Variants in HERC3 observed in about 807,000 individuals in gnomAD.
HERC3 encodes the protein probable E3 ubiquitin-protein ligase HERC3.
A neutral mutation model predicts 129.9 loss-of-function variants in HERC3; 58 were observed. The ratio of observed to expected loss-of-function variants is 0.45; its 90% CI spans 0.36 to 0.56. The LOEUF is 0.56. Among genes scored for constraint, HERC3 ranks in the 20% least tolerant of loss-of-function variants. HERC3 has a pLI of 0.00. For missense variants in HERC3, 835 were observed against 1,244.2 expected, an observed-to-expected ratio of 0.67 and a Z score of 4.95; for synonymous variants, 430 against 451.0, an observed-to-expected ratio of 0.95 and a Z score of 0.59.
Position 88,686,723 on chromosome 4 carries a change from A to T in HERC3, c.2508-13A>T, listed in dbSNP as rs772250369. The T allele has an allele frequency of 6.3e-7, 1 of 1,590,712 alleles. No homozygotes were observed. Among genetic ancestry groups the T allele is most frequent in the Admixed American group, 1.7e-5 (1 of 59,920 alleles). On this transcript the variant is annotated splice_polypyrimidine_tract_variant and intron_variant, in intron 21 of 25. Transcript: ENST00000402738. ...GACTTGCCACTTTTCCTTTTCTGTC[A>T]TTCTATGATTAGGAGTCTCCAAGAG...
upstream of HERC3, among the ~76,000 whole-genome samples, chr4:88,591,829 T>A (rs1721726092): frequency 6.6e-6 from 1 of 152,166 alleles, no homozygotes; most frequent in Admixed American, 6.5e-5. Flanking sequence ...GTGCTCAGAC[T>A]CTTCTTGCTA....
At chr4:88,663,668 A>G (rs2924360) in intron 11 of HERC3, among the ~76,000 whole-genome samples, 41 of 152,316 alleles carry the variant, frequency 2.7e-4, no homozygotes, top group African/African-American at 9.6e-4. Context: ...CAGAGCCTGT[A>G]TAATAGAAGG....
chr4:88,607,049 G>A (rs1200802520), intron 3 of HERC3, among the ~76,000 whole-genome samples: 2 of 152,176 alleles, frequency 1.3e-5, no homozygotes, highest in Non-Finnish European at 2.9e-5. Flanking sequence ...TGGTGATGAT[G>A]TGGCTGCAGT....
At chr4:88,589,060 A>G (rs1210261287), upstream of HERC3, among the ~76,000 whole-genome samples, 1 of 150,786 alleles carries the variant, frequency 6.6e-6, no homozygotes, top group African/African-American at 2.4e-5. Flanking sequence ...TTATGGTTAT[A>G]TGTGTGTGTG....
intron 3 of HERC3, among the ~76,000 whole-genome samples, chr4:88,617,947 G>A (rs1443854268): frequency 6.6e-6 from 1 of 152,162 alleles, no homozygotes; most frequent in Admixed American, 6.5e-5. Context: ...CAAGTCCCCT[G>A]GTTTCCCTCA....
intron 1 of HERC3, chr4:88,593,629 T>TC (rs899333501): frequency 5.3e-5 from 8 of 152,228 alleles, no homozygotes; most frequent in Non-Finnish European, 1.2e-4. Flanking sequence ...CTTGCATTCA[T>TC]CACGCATAGA....
At chr4:88,527,851 G>A in the HERC3 span, 1 of 312,094 alleles carries the variant, frequency 3.2e-6, no homozygotes, top group Non-Finnish European at 6.3e-6. Context: ...TGTATAGGTA[G>A]CTGAGGGCCT....
In HERC3 at chr4:88,663,000, G is replaced by GAA. The variant is rs74872768; in HGVS notation, c.1271+457_1271+458dup. 2.7e-3 allele frequency among the ~76,000 whole-genome samples: 345 copies of GAA among 127,364 alleles called. 2 individuals are homozygous for GAA. The highest frequency in any genetic ancestry group is 9.2e-3 in the African/African-American group (336 of 36,344). The allele number at this position is 127,364 out of a possible 152,430, so 83.6% of individuals were successfully genotyped here. On this transcript the variant is annotated intron_variant, in intron 11 of 25. Transcript: ENST00000402738. ...TGAGATGGTAATTCAGAGTCATGTAGAAAAAAAAAAAAACAACAGTAAGTA... is the reference window on the plus strand; with the variant it reads ...TGAGATGGTAATTCAGAGTCATGTAGAAAAAAAAAAAAAAACAACAGTAAGTA...
intron 3 of HERC3, among the ~76,000 whole-genome samples, chr4:88,610,602 C>T (rs116631047): frequency 0.012 from 1,882 of 152,258 alleles, 43 homozygotes; most frequent in African/African-American, 0.042. Flanking sequence ...CTCTTCCCAC[C>T]CTCCTTGTCT....
At chr4:88,579,221 A>G in the HERC3 span, among the ~76,000 whole-genome samples, 1 of 107,902 alleles carries the variant, frequency 9.3e-6, no homozygotes, top group African/African-American at 5.7e-5. Context: ...GTCTCTACTA[A>G]AAAAAAAAAA....
chr4:88,542,411 A>G, the HERC3 span, among the ~76,000 whole-genome samples: 1 of 152,224 alleles, frequency 6.6e-6, no homozygotes. Context: ...GAATCTCTGA[A>G]TAGACCAATA....
chr4:88,544,410 C>T, the HERC3 span, among the ~76,000 whole-genome samples: 1 of 152,180 alleles, frequency 6.6e-6, no homozygotes, highest in African/African-American at 2.4e-5. Flanking sequence ...ATTAAAAAGT[C>T]AGGAAACAAC....
the HERC3 span, among the ~76,000 whole-genome samples, chr4:88,570,660 T>C: frequency 1.3e-5 from 2 of 152,238 alleles, no homozygotes; most frequent in African/African-American, 4.8e-5. Flanking sequence ...TAATATTTTA[T>C]TGTATATTCA....
chr4:88,617,770 C>A (rs2149215850), intron 3 of HERC3, among the ~76,000 whole-genome samples: 1 of 152,142 alleles, frequency 6.6e-6, no homozygotes, highest in African/African-American at 2.4e-5. Context: ...ACTCGGGAGG[C>A]TGAGGCAGGA....
the HERC3 span, among the ~76,000 whole-genome samples, chr4:88,539,226 G>T: frequency 6.6e-6 from 1 of 152,190 alleles, no homozygotes; most frequent in Non-Finnish European, 1.5e-5. Flanking sequence ...CAAATACTGT[G>T]CTTTTCCCAT....
chr4:88,558,801 G>GAA, the HERC3 span, among the ~76,000 whole-genome samples: 7 of 144,372 alleles, frequency 4.8e-5, no homozygotes, highest in African/African-American at 1.0e-4. Context: ...GTCTCTACTA[G>GAA]AAAAAAAAAA....
Position 88,667,882 on chromosome 4 carries a change from C to T in HERC3, c.1444-10C>T. 1 of 1,594,572 alleles carries T rather than the reference C, an allele frequency of 6.3e-7. No homozygotes were observed. Among genetic ancestry groups the T allele is most frequent in the Non-Finnish European group, 8.6e-7 (1 of 1,165,468 alleles). On this transcript the variant is annotated splice_polypyrimidine_tract_variant and intron_variant, in intron 13 of 25. Coordinates refer to ENST00000402738, the MANE Select transcript of HERC3 (RefSeq NM_014606.3). ...GTTTGAATTTCTCATTACTCTTTTCCCTCATACAGATTTTGAACAGTTTTG... is the reference window on the plus strand; with the variant it reads ...GTTTGAATTTCTCATTACTCTTTTCTCTCATACAGATTTTGAACAGTTTTG...
At chr4:88,584,860 T>A in the HERC3 span, among the ~76,000 whole-genome samples, 1 of 152,228 alleles carries the variant, frequency 6.6e-6, no homozygotes, top group Non-Finnish European at 1.5e-5. Flanking sequence ...TGAAATGTTA[T>A]CCAGTTAATT....
chr4:88,632,845 A>G (rs902260342), intron 3 of HERC3, among the ~76,000 whole-genome samples: 1 of 152,234 alleles, frequency 6.6e-6, no homozygotes, highest in Non-Finnish European at 1.5e-5. Context: ...AAAACTGGAA[A>G]GTTTCCAAGT....
Sources: allele counts gnomAD v4.1 joint callset (sites outside exome capture counted in the v4.1 genomes callset), GRCh38; gene constraint gnomAD v4.1.1; transcripts MANE v1.5; gene names NCBI Gene and HGNC (gene_info 2026-07-23, HGNC 2026-07-21).